PDZD2: variants seen among roughly 807,000 people sequenced by gnomAD.
PDZD2 encodes the protein PDZ domain containing 2.
Under a neutral mutation model 220.7 loss-of-function variants are expected in PDZD2, and 90 were observed. The observed-to-expected ratio is 0.41, with a 90% CI of 0.34 to 0.49. PDZD2 has a LOEUF of 0.49. Ranked by LOEUF, PDZD2 falls within the 20% of genes least tolerant of loss-of-function variation. The pLI is 0.28. For synonymous variants in PDZD2, 1,375 were observed against 1,450.5 expected, an observed-to-expected ratio of 0.95 and a Z score of 1.18; for missense variants, 3,174 against 3,608.5, an observed-to-expected ratio of 0.88 and a Z score of 3.08.
chr5:31,953,559 A>C (rs1747368458), intron 2 of PDZD2, among the ~76,000 whole-genome samples: 1 of 152,162 alleles, frequency 6.6e-6, no homozygotes, highest in African/African-American at 2.4e-5. Flanking sequence ...TCTCACTTGT[A>C]ATCCCTACAC....
intron 6 of PDZD2, among the ~76,000 whole-genome samples, chr5:32,011,925 T>C (rs1753351002): frequency 6.6e-6 from 1 of 152,230 alleles, no homozygotes; most frequent in Non-Finnish European, 1.5e-5. Context: ...AGATTTATTA[T>C]AACCGTTTTC....
At chr5:32,073,764 C>G in intron 17 of PDZD2, 68 bp from the exon 18 acceptor site, 1 of 947,530 alleles carries the variant, frequency 1.1e-6, no homozygotes, top group Non-Finnish European at 1.6e-6. Context: ...ATGATGGGGT[C>G]AGATGATAAG....
At chr5:31,858,205 C>T (rs4867086) in intron 2 of PDZD2, among the ~76,000 whole-genome samples, 15,772 of 151,828 alleles carry the variant, frequency 0.1, 1,044 homozygotes, top group East Asian at 0.26. Flanking sequence ...TCAGGTGATC[C>T]GCCCATCTTG....
intron 23 of PDZD2, 171 bp from the exon 24 acceptor site, chr5:32,100,934 C>T: frequency 6.3e-7 from 1 of 1,598,082 alleles, no homozygotes; most frequent in Middle Eastern, 1.7e-4. Flanking sequence ...GGGAGGCCAA[C>T]AGTGCTACTG....
At chr5:31,665,650 C>CT (rs1021177355) in intron 1 of PDZD2, among the ~76,000 whole-genome samples, 1 of 117,366 alleles carries the variant, frequency 8.5e-6, no homozygotes, top group Non-Finnish European at 1.8e-5. Flanking sequence ...CCCCTCCCCC[C>CT]CCTCCCTTTC....
Position 32,058,021 on chromosome 5 carries a change from C to T in PDZD2, c.2118C>T (p.Ser706=), listed in dbSNP as rs34236643. 3.7e-3 allele frequency: 5,902 copies of T among 1,612,896 alleles called. 17 individuals carry two copies. The highest frequency in any genetic ancestry group is 4.4e-3 in the Non-Finnish European group (5,186 of 1,178,964). ...GTGGGGGAGCCTCAGCGGGAGGTTCCGATGAAGGCAGTTCTTCATCCCTGG... is the reference window on the plus strand; with the variant it reads ...GTGGGGGAGCCTCAGCGGGAGGTTCTGATGAAGGCAGTTCTTCATCCCTGG... ...NTSGGASAGG[S]DEGSSSSLGR... Residue 706 remains serine, a synonymous_variant, in exon 12 of 25, where the codon TCC becomes TCT. Coordinates refer to ENST00000438447, the MANE Select transcript of PDZD2 (RefSeq NM_178140.4).
chr5:31,941,962 G>C (rs761485442), intron 2 of PDZD2, among the ~76,000 whole-genome samples: 12 of 152,090 alleles, frequency 7.9e-5, no homozygotes, highest in Admixed American at 2.0e-4. Flanking sequence ...TAATTCTGTG[G>C]GTTCTTCATC....
intron 14 of PDZD2, among the ~76,000 whole-genome samples, chr5:32,067,798 AG>A (rs1186235333): frequency 6.6e-6 from 1 of 152,240 alleles, no homozygotes; most frequent in Non-Finnish European, 1.5e-5. Flanking sequence ...GGATAACAAC[AG>A]AAAAACATCC....
At chr5:31,899,190 GATCCT>G (rs1310129724) in intron 2 of PDZD2, among the ~76,000 whole-genome samples, 1 of 151,966 alleles carries the variant, frequency 6.6e-6, no homozygotes, top group Non-Finnish European at 1.5e-5. Flanking sequence ...GCAGTGGCAT[GATCCT>G]GGCATGATCA....
At position 31,874,452 on chromosome 5, in the gene PDZD2, C is replaced by A. The variant is rs557635625; in HGVS notation, c.476+74728C>A. 5.9e-5 allele frequency among the ~76,000 whole-genome samples: 9 copies of A among 152,176 alleles called. No homozygotes were observed. In the East Asian group the frequency reaches 9.7e-4, roughly 16 times the overall value. The stretch of plus-strand genomic sequence containing the variant: ...ATTTAACATATGCATTTTTAGAATT[C>A]TTTTCAAAACTTGAAAGAGAAAATG... On this transcript the variant is annotated intron_variant, in intron 2 of 24. Coordinates refer to ENST00000438447, the MANE Select transcript of PDZD2 (RefSeq NM_178140.4).
intron 2 of PDZD2, among the ~76,000 whole-genome samples, chr5:31,885,741 ATGATTT>A (rs1481578746): frequency 3.3e-5 from 5 of 152,194 alleles, no homozygotes; most frequent in Non-Finnish European, 5.9e-5. Context: ...AAGTCAAGTG[ATGATTT>A]TTTTTCTATA....
chr5:31,925,059 G>T (rs1445605142), intron 2 of PDZD2, among the ~76,000 whole-genome samples: 1 of 152,218 alleles, frequency 6.6e-6, no homozygotes, highest in Non-Finnish European at 1.5e-5. Context: ...AGCCAGGCTG[G>T]AAAATTGGGA....
chr5:32,092,996 T>C lies in PDZD2; in HGVS notation c.7817T>C (p.Leu2606Pro), dbSNP rs942176313. 8.2e-6 allele frequency: 13 copies of C among 1,590,104 alleles called. No homozygotes were observed. The highest frequency in any genetic ancestry group is 1.1e-5 in the Non-Finnish European group (13 of 1,158,946). The change falls in exon 21 of 25, where the codon CTC becomes CCC. Residue 2606 changes from leucine (L) to proline (P), a missense_variant. Physicochemically the swap from Leu to Pro is moderately conservative, Grantham distance 98. Coordinates refer to ENST00000438447, the MANE Select transcript of PDZD2 (RefSeq NM_178140.4). ...GGATCGAAATCTACCATCCTAACTC[T>C]CATTCAGGAAGCGAAAGCACAATCA... ...SVGSKSTILT[L>P]IQEAKAQSEN...
chr5:31,808,418 G>A (rs932132533), intron 2 of PDZD2, among the ~76,000 whole-genome samples: 6 of 152,188 alleles, frequency 3.9e-5, no homozygotes, highest in African/African-American at 1.4e-4. Context: ...AGGATGAAGT[G>A]TAAGTGAAGC....
intron 1 of PDZD2, among the ~76,000 whole-genome samples, chr5:31,756,656 C>G (rs750326708): frequency 1.2e-4 from 19 of 152,220 alleles, no homozygotes; most frequent in Admixed American, 3.9e-4. Flanking sequence ...AACATAGGAG[C>G]TGGGTAAAGG....
At chr5:31,853,909 C>G (rs972242853) in intron 2 of PDZD2, among the ~76,000 whole-genome samples, 3 of 152,154 alleles carry the variant, frequency 2.0e-5, no homozygotes, top group Non-Finnish European at 4.4e-5. Context: ...CAGGAGCTCT[C>G]CATTCCTCTA....
chr5:32,042,412 A>T (rs1165756986), intron 7 of PDZD2, among the ~76,000 whole-genome samples: 1 of 151,318 alleles, frequency 6.6e-6, no homozygotes, highest in African/African-American at 2.4e-5. Flanking sequence ...AAATACAAAA[A>T]AAAAAAAAAA....
intron 2 of PDZD2, among the ~76,000 whole-genome samples, chr5:31,875,593 A>AT (rs1303249976): frequency 2.0e-3 from 294 of 144,784 alleles, no homozygotes; most frequent in African/African-American, 6.6e-3. Flanking sequence ...TCAAAAAAAA[A>AT]AAAAATATAT....
In PDZD2 at chr5:31,862,101, G is replaced by GTTTT. The variant is rs11417935; in HGVS notation, c.476+62396_476+62399dup. On this transcript the variant is annotated intron_variant, in intron 2 of 24. Transcript: ENST00000438447. ...AATAGACTCAATGTTTTTTTTTTGG[G>GTTTT]TTTTTTTTTTTTTTTTTTTTTTGAG... Among the ~76,000 whole-genome samples, 169 of 78,464 alleles carry GTTTT rather than the reference G, an allele frequency of 2.2e-3. 1 individual carries two copies. Among genetic ancestry groups the GTTTT allele is most frequent in the African/African-American group, 5.3e-3 (111 of 20,752 alleles). The allele number at this position is 78,464 out of a possible 152,430, so 51.5% of individuals were successfully genotyped here. A position where few individuals can be genotyped will look rare whatever the true frequency, so the allele number is the denominator to read the frequency against.
Sources: allele counts gnomAD v4.1 joint callset (sites outside exome capture counted in the v4.1 genomes callset), GRCh38; gene constraint gnomAD v4.1.1; transcripts MANE v1.5; gene names NCBI Gene and HGNC (gene_info 2026-07-23, HGNC 2026-07-21).